The following NCOA2 variants were observed in gnomAD, a reference collection of about 807,000 sequenced individuals.
The protein encoded by NCOA2 is nuclear receptor coactivator 2, also known as class E basic helix-loop-helix protein 75.
Under a neutral mutation model 145.1 loss-of-function variants are expected in NCOA2, and 21 were observed. The observed-to-expected ratio is 0.14, with a 90% CI of 0.10 to 0.21. The LOEUF (loss-of-function observed/expected upper bound fraction) is 0.21, where lower values mean the gene tolerates loss of function less well. Ranked by LOEUF, NCOA2 falls within the 10% of genes least tolerant of loss-of-function variation. The pLI, the probability that NCOA2 is intolerant of heterozygous loss-of-function variation, is 1.00. For missense variants in NCOA2, 1,472 were observed against 1,837.6 expected, an observed-to-expected ratio of 0.80 and a Z score of 3.64; for synonymous variants, 619 against 637.5, an observed-to-expected ratio of 0.97 and a Z score of 0.44.
intron 1 of NCOA2, among the ~76,000 whole-genome samples, chr8:70,297,168 C>T (rs992223067): frequency 7.2e-5 from 11 of 152,328 alleles, no homozygotes; most frequent in African/African-American, 2.2e-4. Flanking sequence ...TACTCCCACA[C>T]TGCATTCCTA....
intron 3 of NCOA2, among the ~76,000 whole-genome samples, chr8:70,215,981 G>A (rs1357936835): frequency 6.6e-6 from 1 of 151,974 alleles, no homozygotes; most frequent in Non-Finnish European, 1.5e-5. Context: ...CTGTGTTCCA[G>A]GTTCTAGATG....
chr8:70,223,922 A>G (rs1820380602), intron 2 of NCOA2, among the ~76,000 whole-genome samples: 1 of 152,244 alleles, frequency 6.6e-6, no homozygotes, highest in African/African-American at 2.4e-5. Context: ...ATTTTAACTT[A>G]GTCAACAGTG....
chr8:70,222,215 T>G (rs1820201047), intron 2 of NCOA2, among the ~76,000 whole-genome samples: 1 of 152,292 alleles, frequency 6.6e-6, no homozygotes, highest in African/African-American at 2.4e-5. Context: ...AAGTTCAACT[T>G]TACTAGTTTA....
At chr8:70,177,962 T>C (rs1360570590) in intron 4 of NCOA2, among the ~76,000 whole-genome samples, 1 of 152,238 alleles carries the variant, frequency 6.6e-6, no homozygotes, top group Non-Finnish European at 1.5e-5. Context: ...ATGTTTGTGA[T>C]AGTAACCCAT....
chr8:70,341,081 T>G (rs1396972089), intron 1 of NCOA2, among the ~76,000 whole-genome samples: 2 of 95,992 alleles, frequency 2.1e-5, no homozygotes, highest in African/African-American at 6.0e-5. Flanking sequence ...CTTAAAAAGT[T>G]GAAAAAAAAA....
At chr8:70,371,590 T>C (rs1420097357) in intron 1 of NCOA2, among the ~76,000 whole-genome samples, 1 of 152,244 alleles carries the variant, frequency 6.6e-6, no homozygotes, top group East Asian at 1.9e-4. Flanking sequence ...TAGATATTCC[T>C]AATATTCTGA....
intron 4 of NCOA2, among the ~76,000 whole-genome samples, chr8:70,176,665 G>C: frequency 6.6e-6 from 1 of 152,162 alleles, no homozygotes; most frequent in Non-Finnish European, 1.5e-5. Context: ...TTTTTTGGCA[G>C]TTCACTCTCT....
chr8:70,126,269 A>G (rs557755530), intron 19 of NCOA2, among the ~76,000 whole-genome samples: 18 of 152,352 alleles, frequency 1.2e-4, no homozygotes, highest in African/African-American at 4.3e-4. Flanking sequence ...CAACAAATCA[A>G]TATGAAGAGG....
chr8:70,195,497 G>C (rs1817199873), intron 4 of NCOA2, among the ~76,000 whole-genome samples: 1 of 152,128 alleles, frequency 6.6e-6, no homozygotes, highest in Non-Finnish European at 1.5e-5. Context: ...ATACAAGTAA[G>C]GGGTCCTGAA....
At chr8:70,338,108 T>C (rs577928028) in intron 1 of NCOA2, among the ~76,000 whole-genome samples, 79 of 148,558 alleles carry the variant, frequency 5.3e-4, no homozygotes, top group Middle Eastern at 7.0e-3. Flanking sequence ...TTGAAGGAGA[T>C]AGAGACACAA....
intron 2 of NCOA2, among the ~76,000 whole-genome samples, chr8:70,229,473 G>C (rs1820946253): frequency 6.6e-6 from 1 of 152,210 alleles, no homozygotes; most frequent in Non-Finnish European, 1.5e-5. Flanking sequence ...GTGAAGGGGA[G>C]ATGGGTGAGC....
intron 14 of NCOA2, among the ~76,000 whole-genome samples, chr8:70,140,963 G>A (rs113939245): frequency 9.2e-5 from 14 of 152,176 alleles, no homozygotes; most frequent in African/African-American, 3.1e-4. Flanking sequence ...AGGTAATTTA[G>A]TAAAAATAAA....
At chr8:70,141,813 A>T (rs1810469550) in intron 13 of NCOA2, among the ~76,000 whole-genome samples, 1 of 152,230 alleles carries the variant, frequency 6.6e-6, no homozygotes, top group African/African-American at 2.4e-5. Context: ...ATTATAAACG[A>T]TAATCATAGA....
At chr8:70,228,837 A>G (rs1820890449) in intron 2 of NCOA2, among the ~76,000 whole-genome samples, 1 of 152,222 alleles carries the variant, frequency 6.6e-6, no homozygotes, top group South Asian at 2.1e-4. Flanking sequence ...CTGATACTAA[A>G]ATGAAATTGA....
intron 2 of NCOA2, among the ~76,000 whole-genome samples, chr8:70,253,483 G>C (rs944511725): frequency 1.3e-5 from 2 of 151,966 alleles, no homozygotes; most frequent in African/African-American, 4.8e-5. Context: ...TTGAATTAGG[G>C]ACAATAGTTA....
intron 11 of NCOA2, among the ~76,000 whole-genome samples, chr8:70,150,812 T>C (rs1241399538): frequency 6.6e-6 from 1 of 152,224 alleles, no homozygotes; most frequent in Non-Finnish European, 1.5e-5. Flanking sequence ...TGATTTCTTT[T>C]AATCATATTA....
intron 2 of NCOA2, among the ~76,000 whole-genome samples, chr8:70,255,397 A>G (rs1178227937): frequency 1.3e-5 from 2 of 152,254 alleles, no homozygotes; most frequent in Non-Finnish European, 2.9e-5. Context: ...TTCAGAAATG[A>G]AAGAATAATA....
At chr8:70,251,794 A>C (rs537404258) in intron 2 of NCOA2, among the ~76,000 whole-genome samples, 11 of 152,254 alleles carry the variant, frequency 7.2e-5, no homozygotes, top group Non-Finnish European at 1.5e-4. Context: ...GGGGCTAAAA[A>C]GAATGTGAGA....
At chr8:70,181,081 TAATC>T (rs1438563141) in intron 4 of NCOA2, among the ~76,000 whole-genome samples, 9 of 152,252 alleles carry the variant, frequency 5.9e-5, no homozygotes, top group African/African-American at 2.2e-4. Flanking sequence ...TAGGTACTCT[TAATC>T]AATTTTTTAT....
Sources: gnomAD v4.1 joint callset for allele counts (sites outside exome capture counted in the v4.1 genomes callset) on GRCh38, gnomAD v4.1.1 for gene constraint, MANE v1.5 for transcripts, NCBI Gene and HGNC (gene_info 2026-07-23, HGNC 2026-07-21) for gene names.